MDGA2: variants seen among roughly 807,000 people sequenced by gnomAD.
MDGA2 encodes MAM domain containing glycosylphosphatidylinositol anchor 2.
In MDGA2, 40 loss-of-function variants were observed where a neutral mutation model predicts 117.8. That is an observed-to-expected ratio of 0.34 (90% CI 0.26 to 0.44). MDGA2 has a LOEUF of 0.44. MDGA2 is among the 20% of genes least tolerant of loss of function. MDGA2 has a pLI of 1.00. For missense variants in MDGA2, 1,123 were observed against 1,250.6 expected (o/e 0.90, Z 1.54); for synonymous variants, 452 against 439.0 (o/e 1.03, Z -0.37).
intron 1 of MDGA2, among the ~76,000 whole-genome samples, chr14:47,492,380 C>G (rs1263303541): frequency 6.6e-6 from 1 of 152,002 alleles, no homozygotes; most frequent in African/African-American, 2.4e-5. Context: ...AATCTTTGTT[C>G]TGCAGACAAT....
intron 1 of MDGA2, among the ~76,000 whole-genome samples, chr14:47,370,926 T>G (rs1343847821): frequency 6.6e-6 from 1 of 151,886 alleles, no homozygotes; most frequent in African/African-American, 2.4e-5. Flanking sequence ...ATTTTATGTC[T>G]CGAACCTTAT....
intron 6 of MDGA2, among the ~76,000 whole-genome samples, chr14:47,078,055 T>C (rs760666360): frequency 2.0e-5 from 3 of 151,932 alleles, no homozygotes; most frequent in Non-Finnish European, 2.9e-5. Context: ...GATGAGGAAA[T>C]ATGATATAAT....
chr14:46,882,363 T>A, intron 10 of MDGA2, 142 bp from the exon 11 acceptor site: 1 of 674,088 alleles, frequency 1.5e-6, no homozygotes. Flanking sequence ...CAAGTTTCTA[T>A]AATGATAAAC....
chr14:47,271,424 T>A (rs1377844831), intron 2 of MDGA2, among the ~76,000 whole-genome samples: 1 of 152,130 alleles, frequency 6.6e-6, no homozygotes, highest in Non-Finnish European at 1.5e-5. Context: ...AAAGTTGAAA[T>A]GTAAAAATCT....
chr14:47,059,349 C>A, intron 7 of MDGA2: 4 of 1,260,780 alleles, frequency 3.2e-6, no homozygotes, highest in Non-Finnish European at 4.2e-6. Context: ...TGGAAGAAGT[C>A]AATATATTTC....
chr14:46,922,852 A>T (rs1884183048), intron 9 of MDGA2, among the ~76,000 whole-genome samples: 1 of 152,236 alleles, frequency 6.6e-6, no homozygotes, highest in Non-Finnish European at 1.5e-5. Flanking sequence ...CTCTGGGGCA[A>T]GACTGAGAGA....
At chr14:47,260,860 A>G (rs1451548956) in intron 2 of MDGA2, among the ~76,000 whole-genome samples, 1 of 152,068 alleles carries the variant, frequency 6.6e-6, no homozygotes, top group Non-Finnish European at 1.5e-5. Context: ...TGGTCAGTCC[A>G]TAGCATTACT....
At chr14:47,367,916 G>T (rs1891264516) in intron 1 of MDGA2, among the ~76,000 whole-genome samples, 1 of 152,138 alleles carries the variant, frequency 6.6e-6, no homozygotes, top group African/African-American at 2.4e-5. Flanking sequence ...TGTTCTTGAA[G>T]TATAGATTTT....
chr14:47,004,145 A>G (rs1017465924), intron 8 of MDGA2, among the ~76,000 whole-genome samples: 2 of 151,916 alleles, frequency 1.3e-5, no homozygotes, highest in Admixed American at 6.6e-5. Flanking sequence ...TTGAATTGAC[A>G]CTTAACCAAT....
chr14:47,673,438 C>T (rs1898111040), intron 1 of MDGA2, among the ~76,000 whole-genome samples: 1 of 152,158 alleles, frequency 6.6e-6, no homozygotes, highest in Non-Finnish European at 1.5e-5. Context: ...GGATTTTCAG[C>T]ACACATTCTG....
At chr14:47,235,772 A>G (rs1313867798) in intron 2 of MDGA2, among the ~76,000 whole-genome samples, 1 of 152,144 alleles carries the variant, frequency 6.6e-6, no homozygotes, top group African/African-American at 2.4e-5. Flanking sequence ...GGGAGAAATA[A>G]TAATAAATTA....
chr14:47,588,538 A>G (rs1896376138), intron 1 of MDGA2, among the ~76,000 whole-genome samples: 1 of 151,818 alleles, frequency 6.6e-6, no homozygotes, highest in Admixed American at 6.6e-5. Context: ...TTCCTTGAAG[A>G]AGATAGTCAA....
At chr14:47,283,056 T>A (rs1594771686) in intron 2 of MDGA2, among the ~76,000 whole-genome samples, 1 of 152,374 alleles carries the variant, frequency 6.6e-6, no homozygotes, top group Non-Finnish European at 1.5e-5. Flanking sequence ...TCATCACATA[T>A]CAAAGGTCTT....
At chr14:47,385,908 A>G (rs10141600) in intron 1 of MDGA2, among the ~76,000 whole-genome samples, 109,704 of 152,056 alleles carry the variant, frequency 0.72, 39,851 homozygotes, top group Middle Eastern at 0.82. Flanking sequence ...AGTAATAAAT[A>G]CAAGTTGTAA....
chr14:46,937,710 T>C (rs1228686909), intron 9 of MDGA2, among the ~76,000 whole-genome samples: 1 of 152,130 alleles, frequency 6.6e-6, no homozygotes, highest in African/African-American at 2.4e-5. Flanking sequence ...GAAAGGACAG[T>C]CTGTTCAATA....
chr14:47,031,154 C>A (rs1225463700), intron 8 of MDGA2, among the ~76,000 whole-genome samples: 1 of 151,280 alleles, frequency 6.6e-6, no homozygotes, highest in African/African-American at 2.4e-5. Flanking sequence ...TAAGAATAAA[C>A]CTCATTTGGA....
At chr14:47,200,696 G>C in intron 3 of MDGA2, 2 of 972,838 alleles carry the variant, frequency 2.1e-6, no homozygotes, top group Admixed American at 3.9e-5. Flanking sequence ...CTGGATCTTG[G>C]CCTTCTCCTT....
chr14:47,013,107 G>C (rs968287044), intron 8 of MDGA2, among the ~76,000 whole-genome samples: 1 of 152,106 alleles, frequency 6.6e-6, no homozygotes, highest in Non-Finnish European at 1.5e-5. Context: ...GAAGTTTGCT[G>C]CATCAATGAA....
rs1555336022 is a variant in MDGA2, at chr14:47,609,428, C to CATATATATATATATACATATATAT, written c.280+65088_280+65089insATATATATGTATATATATATATAT. Among the ~76,000 whole-genome samples the CATATATATATATATACATATATAT allele has an allele frequency of 4.3e-3, 75 of 17,560 alleles. 12 individuals are homozygous for CATATATATATATATACATATATAT. The highest frequency in any genetic ancestry group is 6.6e-3 in the Admixed American group (7 of 1,062). 11.5% of individuals were successfully genotyped at this position (17,560 alleles called of 152,430 possible). A position where few individuals can be genotyped will look rare whatever the true frequency, so the allele number is the denominator to read the frequency against. On this transcript the variant is annotated intron_variant, in intron 1 of 16. Coordinates refer to ENST00000399232, the MANE Select transcript of MDGA2 (RefSeq NM_001113498.3). ...TTTCTATGGCTGAGTAGTATTCCATCATATATATATATATATATATATATA... is the reference window on the plus strand; with the variant it reads ...TTTCTATGGCTGAGTAGTATTCCATCATATATATATATATACATATATATATATATATATATATATATATATATA...
Sources: gnomAD v4.1 joint callset for allele counts (sites outside exome capture counted in the v4.1 genomes callset) on GRCh38, gnomAD v4.1.1 for gene constraint, MANE v1.5 for transcripts, NCBI Gene and HGNC (gene_info 2026-07-23, HGNC 2026-07-21) for gene names.